Variants in MTF2 observed in about 807,000 individuals in gnomAD.
MTF2 encodes metal-response element-binding transcription factor 2.
MTF2 carries 11 observed loss-of-function variants against 79.5 expected under a neutral mutation model. The ratio of observed to expected loss-of-function variants is 0.14; its 90% confidence interval spans 0.09 to 0.23. MTF2 has a LOEUF of 0.23. MTF2 is among the 10% of genes least tolerant of loss of function. The probability of loss-of-function intolerance (pLI) is 1.00; values close to 1 mark genes in which losing one functional copy is unlikely to be tolerated. For missense variants in MTF2, 486 were observed against 711.2 expected, an observed-to-expected ratio of 0.68 and a Z score of 3.60; for synonymous variants, 208 against 232.8, an observed-to-expected ratio of 0.89 and a Z score of 0.97.
chr1:93,099,640 C>T (rs1298038315), intron 1 of MTF2, among the ~76,000 whole-genome samples: 1 of 152,148 alleles, frequency 6.6e-6, no homozygotes, highest in East Asian at 1.9e-4. Context: ...AAGGTTTATA[C>T]AGCCTTCTGT....
rs1167158613 is a variant in MTF2 at position 93,080,967 on chromosome 1, T to G, written c.5+1436T>G. 2.6e-5 allele frequency: 4 copies of G among 152,176 alleles called. No individual in the cohort carries two copies. In the East Asian group the frequency reaches 5.8e-4, roughly 22 times the overall value. The allele number at this position is 152,176 out of a possible 1,614,324, so 9.4% of individuals were successfully genotyped here. A position where few individuals can be genotyped will look rare whatever the true frequency, so the allele number is the denominator to read the frequency against. Reference sequence around the variant, plus strand: ...TACAAAATGACTTGTTTTTTCAGATTCCTAAATATAAAAATGTATTTGAAT... The same window carrying G: ...TACAAAATGACTTGTTTTTTCAGATGCCTAAATATAAAAATGTATTTGAAT... On this transcript the variant is annotated intron_variant, in intron 1 of 14. Coordinates refer to ENST00000370298, the MANE Select transcript of MTF2 (RefSeq NM_007358.4).
intron 1 of MTF2, among the ~76,000 whole-genome samples, chr1:93,105,265 A>G (rs1030687677): frequency 5.9e-5 from 9 of 152,212 alleles, no homozygotes; most frequent in East Asian, 3.9e-4. Context: ...TTAAGCGTGT[A>G]TAACTTTACC....
chr1:93,135,721 G>C (rs565276298), intron 14 of MTF2, among the ~76,000 whole-genome samples: 1 of 152,310 alleles, frequency 6.6e-6, no homozygotes, highest in Non-Finnish European at 1.5e-5. Flanking sequence ...CTGAGGCGGA[G>C]GATTACTTGA....
At chr1:93,106,192 T>C (rs1476083102) in intron 1 of MTF2, among the ~76,000 whole-genome samples, 2 of 151,852 alleles carry the variant, frequency 1.3e-5, no homozygotes, top group Admixed American at 6.6e-5. Context: ...GATGGAAAAA[T>C]AAAAAAATGT....
At chr1:93,090,062 C>T (rs533580633) in intron 1 of MTF2, among the ~76,000 whole-genome samples, 5 of 151,994 alleles carry the variant, frequency 3.3e-5, no homozygotes, top group African/African-American at 7.2e-5. Context: ...CTGCAAGCTC[C>T]GCCTCCCGAG....
At chr1:93,112,685 A>T (rs1295491305) in intron 3 of MTF2, among the ~76,000 whole-genome samples, 4 of 152,216 alleles carry the variant, frequency 2.6e-5, no homozygotes, top group Non-Finnish European at 5.9e-5. Context: ...ACAACAAAAA[A>T]TTTGGTATTT....
chr1:93,133,934 G>T lies in MTF2; in HGVS notation c.1273G>T (p.Glu425Ter). Residue 425 changes from glutamate to a stop codon, truncating the protein, a stop_gained, in exon 13 of 15, where the codon GAA becomes TAA. Coordinates refer to ENST00000370298, the MANE Select transcript of MTF2 (RefSeq NM_007358.4). LOFTEE classifies it high-confidence loss of function. ...ATATATTTTTATTTTCCAGGATAAG[G>T]AATCAATTTCAGAGAATCCTACTTT... is the stretch of plus-strand genomic sequence containing the variant. ...QKTAEPLLDK[E>*]SISENPTLDL... 6.4e-7 allele frequency: 1 copy of T among 1,574,580 alleles called. No homozygotes were observed. The highest frequency in any genetic ancestry group is 8.7e-7 in the Non-Finnish European group (1 of 1,148,800).
Position 93,133,823 on chromosome 1 carries a change from T to C in MTF2, c.1266+15T>C, listed in dbSNP as rs1396386913. Reference sequence around the variant, plus strand: ...AGCCACTTTTGGTAAGAGGATATGTTGGTATATGTTCTCAAGAAGAAGGAT... The same window carrying C: ...AGCCACTTTTGGTAAGAGGATATGTCGGTATATGTTCTCAAGAAGAAGGAT... On this transcript the variant is annotated intron_variant, in intron 12 of 14. Transcript: ENST00000370298. 1 of 1,576,614 alleles carries C rather than the reference T, an allele frequency of 6.3e-7. No individual in the cohort carries two copies. Among genetic ancestry groups the C allele is most frequent in the Admixed American group, 1.7e-5 (1 of 58,884 alleles).
At chr1:93,092,419 T>G (rs1169532379) in intron 1 of MTF2, among the ~76,000 whole-genome samples, 1 of 152,188 alleles carries the variant, frequency 6.6e-6, no homozygotes, top group Non-Finnish European at 1.5e-5. Flanking sequence ...TTGCTAAAAG[T>G]TTAAAAATCA....
chr1:93,095,216 T>G (rs1225090673), intron 1 of MTF2, among the ~76,000 whole-genome samples: 1 of 152,212 alleles, frequency 6.6e-6, no homozygotes, highest in African/African-American at 2.4e-5. Flanking sequence ...TAAAAAAATT[T>G]TTTTTGTAGT....
intron 1 of MTF2, among the ~76,000 whole-genome samples, chr1:93,102,356 T>C (rs944573523): frequency 3.3e-5 from 5 of 152,086 alleles, no homozygotes; most frequent in Non-Finnish European, 7.4e-5. Flanking sequence ...CCCAGCACTT[T>C]GGGAGGCCAA....
chr1:93,128,237 G>T (rs2101088014), intron 10 of MTF2, among the ~76,000 whole-genome samples: 1 of 152,162 alleles, frequency 6.6e-6, no homozygotes, highest in Non-Finnish European at 1.5e-5. Context: ...AGTAATGAGG[G>T]ATCCCCTTTC....
intron 1 of MTF2, among the ~76,000 whole-genome samples, chr1:93,097,754 T>C (rs538526272): frequency 4.6e-5 from 7 of 152,168 alleles, no homozygotes; most frequent in African/African-American, 1.4e-4. Context: ...CATGCCACCA[T>C]GCTCAGTTAT....
chr1:93,108,695 G>A (rs1365786670), intron 1 of MTF2, among the ~76,000 whole-genome samples: 1 of 138,664 alleles, frequency 7.2e-6, no homozygotes, highest in Non-Finnish European at 1.5e-5. Flanking sequence ...CTTGGAATTT[G>A]TTGAGCTGCT....
intron 1 of MTF2, among the ~76,000 whole-genome samples, chr1:93,097,967 T>G (rs1366145448): frequency 1.3e-5 from 2 of 152,192 alleles, no homozygotes; most frequent in Non-Finnish European, 2.9e-5. Context: ...GCATAGTGTT[T>G]GTTTATTCAG....
At chr1:93,111,334 CT>C (rs1226036300) in intron 3 of MTF2, among the ~76,000 whole-genome samples, 1 of 152,000 alleles carries the variant, frequency 6.6e-6, no homozygotes, top group Non-Finnish European at 1.5e-5. Context: ...TTTGGTTTTC[CT>C]TTTGCTGGGT....
At chr1:93,120,914 C>T (rs1656449854) in intron 9 of MTF2, 2 of 1,166,050 alleles carry the variant, frequency 1.7e-6, no homozygotes, top group Admixed American at 5.2e-5. Context: ...TTGATTCTTT[C>T]ATTTTCTGAA....
At chr1:93,116,303 T>A (rs559395473) in intron 6 of MTF2, among the ~76,000 whole-genome samples, 1 of 152,116 alleles carries the variant, frequency 6.6e-6, no homozygotes, top group East Asian at 1.9e-4. Context: ...TTTACAGGCC[T>A]GAGCCATGCT....
At chr1:93,127,122 A>G in intron 9 of MTF2, 110 bp from the exon 10 acceptor site, 1 of 704,432 alleles carries the variant, frequency 1.4e-6, no homozygotes, top group African/African-American at 1.8e-5. Context: ...AGATCTTCTG[A>G]CTACCAATCA....
Sources: gnomAD v4.1 joint callset for allele counts (sites outside exome capture counted in the v4.1 genomes callset) on GRCh38, gnomAD v4.1.1 for gene constraint, MANE v1.5 for transcripts, NCBI Gene and HGNC (gene_info 2026-07-23, HGNC 2026-07-21) for gene names.